Variants in TMEM52B observed in about 807,000 individuals in gnomAD.
TMEM52B encodes chromosome 12 open reading frame 59.
A neutral mutation model predicts 16.1 loss-of-function variants in TMEM52B; 11 were observed. That is an observed-to-expected ratio of 0.68 (90% CI 0.43 to 1.13). TMEM52B has a LOEUF of 1.13. Among genes scored for constraint, TMEM52B ranks in the 50% most tolerant of loss-of-function variants. The pLI is 0.00. For synonymous variants in TMEM52B, 101 were observed against 93.8 expected (o/e 1.08, Z -0.45); for missense variants, 243 against 230.4 (o/e 1.05, Z -0.35).
rs775401474 is a variant in TMEM52B at position 10,189,998 on chromosome 12, G to T, written c.410G>T (p.Gly137Val). The T allele has an allele frequency of 1.2e-6, 2 of 1,613,966 alleles. No individual in the cohort carries two copies. The highest frequency in any genetic ancestry group is 2.7e-5 in the African/African-American group (2 of 74,878). Residue 137 changes from glycine to valine, a missense_variant, in exon 5 of 5, where the codon GGG becomes GTG. Coordinates refer to ENST00000543484, the MANE Select transcript of TMEM52B (RefSeq NM_001384896.1). The stretch of plus-strand genomic sequence containing the variant: ...CCCTCCTCTTTGGACACCCTCCCAG[G>T]GTATGAAGAAGCTCTTCACATGAGT... ...QLPSSLDTLP[G>V]YEEALHMSRF...
Position 10,188,415 on chromosome 12 carries a change from C to T in TMEM52B, c.308-1481C>T, listed in dbSNP as rs569567174. Among the ~76,000 whole-genome samples the T allele has an allele frequency of 1.8e-4, 27 of 149,378 alleles. No homozygotes were observed. In the East Asian group the frequency reaches 2.0e-3, roughly 11 times the overall value. Reference sequence around the variant, plus strand: ...CGGAGGTTTCAGTGAGCCGAGATGGCGCCACTTCACTCCAGCTTGGGCTAC... The same window carrying T: ...CGGAGGTTTCAGTGAGCCGAGATGGTGCCACTTCACTCCAGCTTGGGCTAC... On this transcript the variant is annotated intron_variant, in intron 4 of 4. Transcript: ENST00000543484.
chr12:10,178,489 C>G (rs1948785758), upstream of TMEM52B, among the ~76,000 whole-genome samples: 2 of 147,448 alleles, frequency 1.4e-5, no homozygotes, highest in East Asian at 2.0e-4. Flanking sequence ...CGCCACTGCA[C>G]TCCAGCCTGG....
Position 10,179,092 on chromosome 12 carries a change from A to T in TMEM52B, c.-483A>T, listed in dbSNP as rs1230317152. The T allele has an allele frequency of 6.2e-6, 1 of 161,512 alleles. No homozygotes were observed. The highest frequency in any genetic ancestry group is 1.4e-5 in the Non-Finnish European group (1 of 72,794). 10.0% of individuals were successfully genotyped at this position (161,512 alleles called of 1,614,324 possible). On this transcript the variant is annotated 5_prime_UTR_variant, in exon 1 of 5. Coordinates refer to ENST00000543484, the MANE Select transcript of TMEM52B (RefSeq NM_001384896.1). The stretch of plus-strand genomic sequence containing the variant: ...CGCTGGAGTACTCTGGTGAAGGATC[A>T]AGAATATTACCAGTTTTCTGATGAA...
chr12:10,189,909 G>A lies in TMEM52B; in HGVS notation c.321G>A (p.Val107=). 6.2e-7 allele frequency: 1 copy of A among 1,613,872 alleles called. No homozygotes were observed. The highest frequency in any genetic ancestry group is 8.5e-7 in the Non-Finnish European group (1 of 1,180,032). ...LQSTITSLQS[V]FGPAARRILA... ...CTTTCTTCACAGCTCTGCAGTCGGT[G>A]TTTGGCCCTGCAGCTCGGAGGATCC... is the stretch of plus-strand genomic sequence containing the variant. Residue 107 remains valine, a synonymous_variant, in exon 5 of 5, where the codon GTG becomes GTA. Transcript: ENST00000543484.
chr12:10,182,694 A>T (rs1948838255), intron 2 of TMEM52B, 101 bp downstream of exon 2: 1 of 1,210,128 alleles, frequency 8.3e-7, no homozygotes, highest in East Asian at 2.9e-5. Flanking sequence ...ACTTCTTTTT[A>T]TTTATTTTTA....
At chr12:10,172,824 T>C (rs559844484) in intron 1 of TMEM52B, among the ~76,000 whole-genome samples, 1 of 152,304 alleles carries the variant, frequency 6.6e-6, no homozygotes, top group Non-Finnish European at 1.5e-5. Flanking sequence ...CCTGATAACA[T>C]TGTTATAGGA....
At chr12:10,176,310 G>GA (rs879385400), upstream of TMEM52B, among the ~76,000 whole-genome samples, 521 of 142,478 alleles carry the variant, frequency 3.7e-3, 4 homozygotes, top group African/African-American at 0.011. Flanking sequence ...AATCTGGTGA[G>GA]AAAAAAAAAA....
chr12:10,174,060 G>GTTTC (rs555866721), upstream of TMEM52B, among the ~76,000 whole-genome samples: 710 of 152,002 alleles, frequency 4.7e-3, 7 homozygotes, highest in African/African-American at 0.015. Flanking sequence ...TTGTTTGTTT[G>GTTTC]TTTGTTTGTT....
chr12:10,182,599 T>G lies in TMEM52B; in HGVS notation c.98+6T>G. 6.5e-7 allele frequency: 1 copy of G among 1,534,572 alleles called. No homozygotes were observed. The highest frequency in any genetic ancestry group is 1.7e-4 in the Middle Eastern group (1 of 5,982). On this transcript the variant is annotated splice_donor_region_variant and intron_variant, in intron 2 of 4. Transcript: ENST00000543484. ...AACTGTGGTAATCCTGAACAGTAAG[T>G]ATAGAGTTCAAGCTGGGAGGAAGGA...
rs549137726 is a variant in TMEM52B at position 10,182,560 on chromosome 12, C to T, written c.65C>T (p.Thr22Met). The part of the protein sequence containing the change: ...ALLYFILLSG[T>M]RCEENCGNPE... Reference sequence around the variant, plus strand: ...TTTCTCTTTCTACAGCTTTCTGGGACGAGATGTGAGGAAAACTGTGGTAAT... The same window carrying T: ...TTTCTCTTTCTACAGCTTTCTGGGATGAGATGTGAGGAAAACTGTGGTAAT... Residue 22 changes from threonine to methionine, a missense_variant, in exon 2 of 5, where the codon ACG becomes ATG. Thr to Met is a moderately conservative substitution (Grantham distance 81, BLOSUM62 -1). Coordinates refer to ENST00000543484, the MANE Select transcript of TMEM52B (RefSeq NM_001384896.1). 30 of 1,535,168 alleles carry T rather than the reference C, an allele frequency of 2.0e-5. No individual in the cohort carries two copies. The highest frequency in any genetic ancestry group is 1.7e-4 in the Middle Eastern group (1 of 5,986).
chr12:10,180,963 G>A (rs748159238), intron 1 of TMEM52B, among the ~76,000 whole-genome samples: 4 of 152,052 alleles, frequency 2.6e-5, no homozygotes, highest in South Asian at 4.1e-4. Flanking sequence ...GCACCACCAC[G>A]CCTGGCTAAT....
In TMEM52B at chr12:10,189,810, G is replaced by A. The variant is rs983252880; in HGVS notation, c.308-86G>A. ...TTTGGATACTTGTAAAAAATGAAGC[G>A]ACAGTTAAGTGTGAAGTAAGTCTCT... On this transcript the variant is annotated intron_variant, in intron 4 of 4. Coordinates refer to ENST00000543484, the MANE Select transcript of TMEM52B (RefSeq NM_001384896.1). The A allele has an allele frequency of 1.4e-5, 22 of 1,531,386 alleles. No individual in the cohort carries two copies. The East Asian group carries it at 2.3e-4, about 16-fold the overall frequency. The allele number at this position is 1,531,386 out of a possible 1,614,324, so 94.9% of individuals were successfully genotyped here.
Position 10,183,332 on chromosome 12 carries a change from G to A in TMEM52B, c.98+739G>A, listed in dbSNP as rs888555360. Among the ~76,000 whole-genome samples the A allele has an allele frequency of 2.6e-5, 4 of 152,062 alleles. No individual in the cohort carries two copies. In the South Asian group the frequency reaches 8.3e-4, roughly 32 times the overall value. On this transcript the variant is annotated intron_variant, in intron 2 of 4. Coordinates refer to ENST00000543484, the MANE Select transcript of TMEM52B (RefSeq NM_001384896.1). ...ATTGGGTGTTGACTACTTGACACCT[G>A]CTTTCTGAGGTTTTACACATCTTCC...
rs1460662767 is a variant in TMEM52B at position 10,190,073 on chromosome 12, T to C, written c.485T>C (p.Val162Ala). ...CGQKAPDLPPVPEEKQLPPTE... is the reference protein window; with the variant it reads ...CGQKAPDLPPAPEEKQLPPTE... ...CAGAAAGCACCTGATCTACCCCCAGTACCTGAAGAAAAGCAGCTGCCTCCA... is the reference window on the plus strand; with the variant it reads ...CAGAAAGCACCTGATCTACCCCCAGCACCTGAAGAAAAGCAGCTGCCTCCA... Residue 162 changes from valine (V) to alanine (A), a missense_variant, in exon 5 of 5, where the codon GTA becomes GCA. By Grantham distance (64) the Val-to-Ala change is moderately conservative (BLOSUM62 0). Transcript: ENST00000543484. The C allele has an allele frequency of 6.2e-7, 1 of 1,614,138 alleles. No individual in the cohort carries two copies. Among genetic ancestry groups the C allele is most frequent in the South Asian group, 1.1e-5 (1 of 91,080 alleles).
chr12:10,185,204 C>T, intron 2 of TMEM52B, 126 bp from the exon 3 acceptor site: 2 of 713,680 alleles, frequency 2.8e-6, no homozygotes, highest in Non-Finnish European at 2.5e-6. Flanking sequence ...ATTTTAAAAA[C>T]ATAACCCATG....
At chr12:10,183,090 C>A (rs1269372169) in intron 2 of TMEM52B, among the ~76,000 whole-genome samples, 1 of 152,140 alleles carries the variant, frequency 6.6e-6, no homozygotes, top group Non-Finnish European at 1.5e-5. Context: ...ACACTTAAGT[C>A]TTATGTAGAC....
rs192623556 is a variant in TMEM52B, at chr12:10,181,997, A to G, written c.55-553A>G. The stretch of plus-strand genomic sequence containing the variant: ...AGCCAAGATCACGCCACTGCACTCC[A>G]GCCTGGGTGACAGAGCAAGACTCAA... On this transcript the variant is annotated intron_variant, in intron 1 of 4. Transcript: ENST00000543484. The G allele has an allele frequency of 5.6e-4, 485 of 860,282 alleles. No homozygotes were observed. In the African/African-American group the frequency reaches 9.5e-3, roughly 17 times the overall value. The allele number at this position is 860,282 out of a possible 1,614,324, so 53.3% of individuals were successfully genotyped here. A position where few individuals can be genotyped will look rare whatever the true frequency, so the allele number is the denominator to read the frequency against.
At chr12:10,171,657 C>G (rs1948719178) in intron 1 of TMEM52B, among the ~76,000 whole-genome samples, 1 of 152,148 alleles carries the variant, frequency 6.6e-6, no homozygotes, top group Non-Finnish European at 1.5e-5. Context: ...CTCCGTGAAA[C>G]TGGATGATGT....
rs945395964 is a variant in TMEM52B, at chr12:10,191,117, A to G, written c.*977A>G. ...TGGACCATGCCGCAGCACAGTGCTAATCTATCCACAAAACATACCACCTCC... is the reference window on the plus strand; with the variant it reads ...TGGACCATGCCGCAGCACAGTGCTAGTCTATCCACAAAACATACCACCTCC... On this transcript the variant is annotated 3_prime_UTR_variant, in exon 5 of 5. Transcript: ENST00000543484. The G allele has an allele frequency of 7.2e-5, 11 of 152,242 alleles. No homozygotes were observed. The highest frequency in any genetic ancestry group is 2.7e-4 in the African/African-American group (11 of 41,450). The allele number at this position is 152,242 out of a possible 1,614,324, so 9.4% of individuals were successfully genotyped here. A position where few individuals can be genotyped will look rare whatever the true frequency, so the allele number is the denominator to read the frequency against.
Sources: allele counts gnomAD v4.1 joint callset (sites outside exome capture counted in the v4.1 genomes callset), GRCh38; gene constraint gnomAD v4.1.1; transcripts MANE v1.5; gene names NCBI Gene and HGNC (gene_info 2026-07-23, HGNC 2026-07-21).